CPNE4: variants seen among roughly 807,000 people sequenced by gnomAD.
CPNE4 encodes copine-4.
Under a neutral mutation model 67.9 loss-of-function variants are expected in CPNE4, and 25 were observed. That is an observed-to-expected ratio of 0.37 (90% CI 0.27 to 0.51). CPNE4 has a LOEUF of 0.51. Ranked by LOEUF, CPNE4 falls within the 20% of genes least tolerant of loss-of-function variation. The pLI is 0.93. For missense variants in CPNE4, 464 were observed against 690.8 expected, an observed-to-expected ratio of 0.67 and a Z score of 3.68; for synonymous variants, 242 against 244.9, an observed-to-expected ratio of 0.99 and a Z score of 0.11.
intron 2 of CPNE4, among the ~76,000 whole-genome samples, chr3:131,870,462 G>T (rs989815606): frequency 6.6e-6 from 1 of 152,108 alleles, no homozygotes; most frequent in Non-Finnish European, 1.5e-5. Flanking sequence ...AAGACAAGTG[G>T]TTACAATTTT....
chr3:131,652,414 T>C (rs992698141), intron 7 of CPNE4, among the ~76,000 whole-genome samples: 5 of 152,194 alleles, frequency 3.3e-5, no homozygotes, highest in African/African-American at 1.2e-4. Context: ...TATACAAAAG[T>C]AGAATACACT....
At chr3:131,553,449 C>A (rs1936294374) in intron 12 of CPNE4, among the ~76,000 whole-genome samples, 1 of 152,020 alleles carries the variant, frequency 6.6e-6, no homozygotes. Flanking sequence ...CTTGCTTGCC[C>A]AAGTGACAGG....
chr3:131,837,061 G>A (rs902585672), intron 2 of CPNE4, among the ~76,000 whole-genome samples: 17 of 152,168 alleles, frequency 1.1e-4, no homozygotes, highest in Admixed American at 8.5e-4. Context: ...TAAAATAATG[G>A]CAATATTGGC....
At chr3:131,798,231 CAT>C (rs1560335189) in intron 2 of CPNE4, among the ~76,000 whole-genome samples, 2 of 152,126 alleles carry the variant, frequency 1.3e-5, no homozygotes, top group Non-Finnish European at 2.9e-5. Flanking sequence ...AATTATGGGA[CAT>C]AGGACCTCAG....
At chr3:131,541,828 G>T (rs1398698490) in intron 15 of CPNE4, among the ~76,000 whole-genome samples, 3 of 151,630 alleles carry the variant, frequency 2.0e-5, no homozygotes, top group Admixed American at 6.6e-5. Context: ...CTGCCACCAC[G>T]CCCAGCTAAT....
chr3:131,634,860 T>C (rs2107784657), intron 7 of CPNE4, among the ~76,000 whole-genome samples: 2 of 152,282 alleles, frequency 1.3e-5, no homozygotes, highest in Middle Eastern at 3.4e-3. Context: ...TCAGTGTCTT[T>C]CCTTTTGGTC....
chr3:131,680,448 T>C (rs1047303446), intron 6 of CPNE4, among the ~76,000 whole-genome samples: 1 of 151,936 alleles, frequency 6.6e-6, no homozygotes, highest in African/African-American at 2.4e-5. Flanking sequence ...AAAGAAAAAA[T>C]TAATAAAAAC....
intron 2 of CPNE4, among the ~76,000 whole-genome samples, chr3:131,843,012 A>G (rs2107623714): frequency 6.6e-6 from 1 of 152,244 alleles, no homozygotes; most frequent in East Asian, 1.9e-4. Flanking sequence ...CCCTTCCGCT[A>G]TTATGCAAGG....
chr3:131,887,931 T>C (rs1427870298), intron 2 of CPNE4, among the ~76,000 whole-genome samples: 1 of 150,824 alleles, frequency 6.6e-6, no homozygotes, highest in Non-Finnish European at 1.5e-5. Context: ...CCCTGAGAGA[T>C]TGCCATGTAG....
chr3:131,864,186 C>A (rs1032638701), intron 2 of CPNE4, among the ~76,000 whole-genome samples: 1 of 150,936 alleles, frequency 6.6e-6, no homozygotes. Context: ...CTTGGCAATG[C>A]GGGCTCTTTT....
intron 7 of CPNE4, among the ~76,000 whole-genome samples, chr3:131,617,799 C>T (rs936882001): frequency 3.3e-5 from 5 of 152,120 alleles, no homozygotes; most frequent in Admixed American, 3.3e-4. Context: ...TCCAACAAAC[C>T]ATTTTCTCCA....
Position 131,683,569 on chromosome 3 carries a change from C to T in CPNE4, c.591+2306G>A, listed in dbSNP as rs532653745. ...GGGAGGGAGGAGTGTCTCCTGGAGC[C>T]GTGTGCTGCACTGCTTAGGGTATGG... is the stretch of plus-strand genomic sequence containing the variant. On this transcript the variant is annotated intron_variant, in intron 6 of 15. Transcript: ENST00000429747. Among the ~76,000 whole-genome samples, 10 of 152,144 alleles carry T rather than the reference C, an allele frequency of 6.6e-5. No homozygotes were observed. In the East Asian group the frequency reaches 1.5e-3, roughly 24 times the overall value.
intron 1 of CPNE4, among the ~76,000 whole-genome samples, chr3:131,995,882 G>C (rs2073278278): frequency 6.6e-6 from 1 of 152,114 alleles, no homozygotes; most frequent in African/African-American, 2.4e-5. Flanking sequence ...ATTTAGCAAG[G>C]AAGAGCTCCG....
chr3:131,909,569 C>G (rs1300285173), intron 1 of CPNE4, among the ~76,000 whole-genome samples: 2 of 152,030 alleles, frequency 1.3e-5, no homozygotes, highest in African/African-American at 4.8e-5. Context: ...CAATGGATTA[C>G]TGCAAAGAAA....
chr3:132,015,151 T>A (rs548278134), intron 1 of CPNE4, among the ~76,000 whole-genome samples: 2 of 152,360 alleles, frequency 1.3e-5, no homozygotes, highest in Non-Finnish European at 2.9e-5. Context: ...TGGTTTATCT[T>A]TAATCTGCTG....
intron 2 of CPNE4, among the ~76,000 whole-genome samples, chr3:131,811,572 C>T (rs182664819): frequency 1.3e-5 from 2 of 152,192 alleles, no homozygotes; most frequent in African/African-American, 4.8e-5. Context: ...GGAGTTCACC[C>T]TTCCACATTT....
intron 1 of CPNE4, among the ~76,000 whole-genome samples, chr3:131,910,858 T>G (rs1374361317): frequency 6.6e-6 from 1 of 152,158 alleles, no homozygotes; most frequent in Non-Finnish European, 1.5e-5. Flanking sequence ...TTCCTTTAAC[T>G]TTGACCACAA....
chr3:131,935,425 C>T lies in CPNE4; in HGVS notation c.-1-29981G>A, dbSNP rs781123616. On this transcript the variant is annotated intron_variant, in intron 1 of 15. Transcript: ENST00000429747. ...CTGGAAAGTGGGATGTTTTAATTAG[C>T]GATATTGGAGGTAGGGTTTTGTATT... Among the ~76,000 whole-genome samples, 80 of 151,730 alleles carry T rather than the reference C, an allele frequency of 5.3e-4. 1 individual carries two copies. Among genetic ancestry groups the T allele is most frequent in the South Asian group, 4.2e-4 (2 of 4,802 alleles).
At chr3:131,792,892 A>AGTGTGTGTGTGTGTGT (rs1553772420) in intron 2 of CPNE4, among the ~76,000 whole-genome samples, 5 of 127,976 alleles carry the variant, frequency 3.9e-5, no homozygotes, top group Admixed American at 8.0e-5. Flanking sequence ...AGGTATTTCC[A>AGTGTGTGTGTGTGTGT]GTGTGTGTGT....
Sources: gnomAD v4.1 joint callset for allele counts (sites outside exome capture counted in the v4.1 genomes callset) on GRCh38, gnomAD v4.1.1 for gene constraint, MANE v1.5 for transcripts, NCBI Gene and HGNC (gene_info 2026-07-23, HGNC 2026-07-21) for gene names.